Variants in OVCH1 observed in about 807,000 individuals in gnomAD.
OVCH1 encodes the protein ovochymase-1.
In OVCH1, 139 loss-of-function variants were observed where a neutral mutation model predicts 138.4. The ratio of observed to expected loss-of-function variants is 1.00; its 90% CI spans 0.87 to 1.16. OVCH1 has a LOEUF of 1.16. Among genes scored for constraint, OVCH1 ranks in the 50% most tolerant of loss-of-function variants. The pLI, the probability that OVCH1 is intolerant of heterozygous loss-of-function variation, is 0.00. For missense variants in OVCH1, 1,367 were observed against 1,357.9 expected, an observed-to-expected ratio of 1.01 and a Z score of -0.11; for synonymous variants, 453 against 467.8, an observed-to-expected ratio of 0.97 and a Z score of 0.41.
rs377502485 is a variant in OVCH1 at position 29,464,086 on chromosome 12, A to G, written c.2125+421T>C. ...TTTTTAGGTGGTTGAAGAAAATCCA[A>G]AGAATGATATTTCATGACACGTGCA... On this transcript the variant is annotated intron_variant, in intron 18 of 27. Transcript: ENST00000318184. 3.3e-5 allele frequency among the ~76,000 whole-genome samples: 5 copies of G among 152,336 alleles called. No homozygotes were observed. The East Asian group carries it at 5.8e-4, about 18-fold the overall frequency.
chr12:29,476,015 A>G (rs1267701723), intron 13 of OVCH1, among the ~76,000 whole-genome samples, 191 bp downstream of exon 13: 2 of 152,200 alleles, frequency 1.3e-5, no homozygotes, highest in African/African-American at 4.8e-5. Context: ...GCACATTTCC[A>G]TTAAAAACTT....
At chr12:29,414,791 A>T (rs1299462264) in intron 3 of OVCH1, among the ~76,000 whole-genome samples, 1 of 152,184 alleles carries the variant, frequency 6.6e-6, no homozygotes, top group African/African-American at 2.4e-5. Context: ...AAATTTTTTT[A>T]AAAAGGAAAC....
At chr12:29,464,408 G>T in intron 18 of OVCH1, 99 bp downstream of exon 18, 1 of 1,261,922 alleles carries the variant, frequency 7.9e-7, no homozygotes, top group Non-Finnish European at 1.1e-6. Context: ...CTTTTAGAAA[G>T]AAGAGGGGCT....
intron 3 of OVCH1, 55 bp from the exon 4 acceptor site, chr12:29,495,512 T>C: frequency 6.7e-7 from 1 of 1,492,606 alleles, no homozygotes; most frequent in Non-Finnish European, 9.2e-7. Flanking sequence ...GCAAGTCTTC[T>C]TGGTTTGATG....
At chr12:29,443,525 A>G in intron 24 of OVCH1, 25 bp from the exon 25 acceptor site, 1 of 1,563,834 alleles carries the variant, frequency 6.4e-7, no homozygotes. Context: ...AAACAAAGTC[A>G]GAAATTATTT....
intron 25 of OVCH1, among the ~76,000 whole-genome samples, chr12:29,440,343 G>C (rs1592040713): frequency 6.6e-6 from 1 of 152,134 alleles, no homozygotes; most frequent in Admixed American, 6.5e-5. Context: ...AACATTATAA[G>C]TAATAATTGA....
chr12:29,479,327 A>G (rs1179017355), intron 8 of OVCH1, among the ~76,000 whole-genome samples: 1 of 152,224 alleles, frequency 6.6e-6, no homozygotes, highest in Non-Finnish European at 1.5e-5. Context: ...CTCATGAATT[A>G]TGAATGGACC....
chr12:29,411,165 T>G (rs182380600), downstream of OVCH1, among the ~76,000 whole-genome samples: 306 of 96,694 alleles, frequency 3.2e-3, 56 homozygotes, highest in African/African-American at 7.7e-3. Context: ...GTCAGCTCCT[T>G]TAAGCAATTC....
At chr12:29,452,403 CTCTG>C (rs1384542726) in intron 21 of OVCH1, among the ~76,000 whole-genome samples, 1 of 151,960 alleles carries the variant, frequency 6.6e-6, no homozygotes, top group African/African-American at 2.4e-5. Flanking sequence ...TTGTTTGGTT[CTCTG>C]TCATTTCTTT....
At chr12:29,489,919 A>AGTG in intron 5 of OVCH1, 148 bp from the exon 6 acceptor site, 1 of 913,640 alleles carries the variant, frequency 1.1e-6, no homozygotes, top group Admixed American at 3.0e-5. Flanking sequence ...TCACTTCTAA[A>AGTG]AATCAGATAT....
chr12:29,464,065 T>C (rs897385596), intron 18 of OVCH1, among the ~76,000 whole-genome samples: 6 of 152,192 alleles, frequency 3.9e-5, no homozygotes, highest in Non-Finnish European at 7.3e-5. Context: ...TGTACATTTT[T>C]AGGTGGTTGA....
intron 8 of OVCH1, among the ~76,000 whole-genome samples, chr12:29,482,762 T>G (rs1277935026): frequency 6.6e-6 from 1 of 152,202 alleles, no homozygotes; most frequent in Non-Finnish European, 1.5e-5. Flanking sequence ...TAACCCTTCT[T>G]CTCTTGAAAC....
exon 4 of OVCH1, chr12:29,495,296 T>A: frequency 3.7e-6 from 6 of 1,609,178 alleles, no homozygotes; most frequent in African/African-American, 1.3e-5. Context: ...AAACTTGACT[T>A]TGTGTTTTAG....
intron 16 of OVCH1, among the ~76,000 whole-genome samples, chr12:29,468,141 G>A (rs1241591030): frequency 6.6e-6 from 1 of 152,112 alleles, no homozygotes; most frequent in Non-Finnish European, 1.5e-5. Context: ...ATATATGCAT[G>A]TACGTTTAAA....
intron 9 of OVCH1, among the ~76,000 whole-genome samples, chr12:29,477,865 G>A (rs1463159548): frequency 6.6e-6 from 1 of 152,298 alleles, no homozygotes; most frequent in Middle Eastern, 3.4e-3. Context: ...TTTGGGCAGA[G>A]TGCTTTTTCT....
In OVCH1 at chr12:29,448,349, G is replaced by T. The variant is rs538546837; in HGVS notation, c.2756-2946C>A. Among the ~76,000 whole-genome samples the T allele has an allele frequency of 2.0e-5, 3 of 151,702 alleles. No homozygotes were observed. The South Asian group carries it at 6.3e-4, about 32-fold the overall frequency. On this transcript the variant is annotated intron_variant, in intron 22 of 27. Coordinates refer to ENST00000318184, the Ensembl canonical transcript of OVCH1. ...GGGGTTGGGGACCCATGTGTTAGAAGATAATAAGTGCTCTAAGAAAAGGGA... is the reference window on the plus strand; with the variant it reads ...GGGGTTGGGGACCCATGTGTTAGAATATAATAAGTGCTCTAAGAAAAGGGA...
intron 16 of OVCH1, among the ~76,000 whole-genome samples, chr12:29,470,608 C>A (rs1258032915): frequency 6.6e-6 from 1 of 152,100 alleles, no homozygotes; most frequent in Non-Finnish European, 1.5e-5. Context: ...TTTCTTTAAC[C>A]AATCTATCAT....
At chr12:29,486,981 C>T in intron 7 of OVCH1, 1 of 453,358 alleles carries the variant, frequency 2.2e-6, no homozygotes, top group Non-Finnish European at 4.4e-6. Context: ...AAAGGAGAGT[C>T]TGTGGCAGTC....
chr12:29,482,002 T>C (rs1254238627), intron 8 of OVCH1, among the ~76,000 whole-genome samples: 19 of 152,226 alleles, frequency 1.2e-4, no homozygotes, highest in Admixed American at 1.1e-3. Context: ...ATTGCAGTAG[T>C]TGGTCTCCCA....
Sources: allele counts gnomAD v4.1 joint callset (sites outside exome capture counted in the v4.1 genomes callset), GRCh38; gene constraint gnomAD v4.1.1; transcripts MANE v1.5; gene names NCBI Gene and HGNC (gene_info 2026-07-23, HGNC 2026-07-21).